CNTNAP2: variants seen among roughly 807,000 people sequenced by gnomAD.
CNTNAP2 encodes the protein contactin associated protein 2.
Under a neutral mutation model 155.2 loss-of-function variants are expected in CNTNAP2, and 98 were observed. The ratio of observed to expected loss-of-function variants is 0.63; its 90% CI spans 0.54 to 0.75. The LOEUF (loss-of-function observed/expected upper bound fraction) is 0.75. Ranked by LOEUF, CNTNAP2 falls within the 30% of genes least tolerant of loss-of-function variation. The pLI is 0.00. For missense variants in CNTNAP2, 1,727 were observed against 1,688.1 expected (o/e 1.02, Z -0.40); for synonymous variants, 651 against 631.2 (o/e 1.03, Z -0.47).
At chr7:146,541,701 A>T (rs1797955816) in intron 1 of CNTNAP2, among the ~76,000 whole-genome samples, 1 of 151,982 alleles carries the variant, frequency 6.6e-6, no homozygotes. Flanking sequence ...TCCAGGGAAG[A>T]TGCTGCTCTC....
rs184659120 is a variant in CNTNAP2, at chr7:147,839,034, C to G, written c.2099-64531C>G. On this transcript the variant is annotated intron_variant, in intron 13 of 23. Coordinates refer to ENST00000361727, the MANE Select transcript of CNTNAP2 (RefSeq NM_014141.6). ...AAGCTGAGGGGCAAGGAAGCAAGTC[C>G]AAGTCCCAAAGCTAAAGAACTTTGG... Among the ~76,000 whole-genome samples, 16 of 152,280 alleles carry G rather than the reference C, an allele frequency of 1.1e-4. No homozygotes were observed. In the East Asian group the frequency reaches 2.5e-3, roughly 24 times the overall value.
At chr7:146,171,246 A>T (rs1160159996) in intron 1 of CNTNAP2, among the ~76,000 whole-genome samples, 1 of 152,178 alleles carries the variant, frequency 6.6e-6, no homozygotes, top group Non-Finnish European at 1.5e-5. Flanking sequence ...AGAACTAAGT[A>T]GAAAAAAATA....
chr7:147,049,058 A>G (rs1372389291), intron 4 of CNTNAP2, among the ~76,000 whole-genome samples: 3 of 152,216 alleles, frequency 2.0e-5, no homozygotes, highest in Non-Finnish European at 2.9e-5. Flanking sequence ...TGGGGAGCTC[A>G]AGGTCAAGGG....
At chr7:146,398,989 A>G (rs1795674534) in intron 1 of CNTNAP2, among the ~76,000 whole-genome samples, 1 of 152,000 alleles carries the variant, frequency 6.6e-6, no homozygotes, top group Non-Finnish European at 1.5e-5. Flanking sequence ...TCTGTTAAAT[A>G]TAAATGTTTT....
intron 11 of CNTNAP2, chr7:147,496,659 T>A (rs1798714139): frequency 6.6e-6 from 1 of 152,232 alleles, no homozygotes; most frequent in Non-Finnish European, 1.5e-5. Context: ...CAAATTTATG[T>A]CTTCTGAAAT....
chr7:146,884,515 A>G (rs893187883), intron 3 of CNTNAP2, among the ~76,000 whole-genome samples: 18 of 152,124 alleles, frequency 1.2e-4, no homozygotes, highest in Admixed American at 6.6e-5. Context: ...TTTCCTACTC[A>G]GTATGTATTG....
At chr7:147,291,448 A>G (rs1298886840) in intron 8 of CNTNAP2, among the ~76,000 whole-genome samples, 5 of 152,160 alleles carry the variant, frequency 3.3e-5, no homozygotes, top group African/African-American at 1.2e-4. Flanking sequence ...ACAAAACACA[A>G]TATTTTAAAA....
intron 13 of CNTNAP2, among the ~76,000 whole-genome samples, chr7:147,834,625 C>T (rs911168442): frequency 2.6e-5 from 4 of 152,118 alleles, no homozygotes; most frequent in African/African-American, 9.7e-5. Flanking sequence ...CTTTGAGATC[C>T]TCATTAAACT....
chr7:146,950,055 C>A (rs1797277596), intron 3 of CNTNAP2, among the ~76,000 whole-genome samples: 1 of 152,096 alleles, frequency 6.6e-6, no homozygotes, highest in African/African-American at 2.4e-5. Flanking sequence ...GAAACAATAA[C>A]AACAGTGATT....
At chr7:147,417,480 A>C (rs1163858982) in intron 10 of CNTNAP2, among the ~76,000 whole-genome samples, 2 of 152,198 alleles carry the variant, frequency 1.3e-5, no homozygotes, top group African/African-American at 2.4e-5. Context: ...TAAAAGCCCC[A>C]TCTCCTAATA....
At chr7:146,423,757 T>C (rs889116152) in intron 1 of CNTNAP2, among the ~76,000 whole-genome samples, 1 of 152,244 alleles carries the variant, frequency 6.6e-6, no homozygotes, top group Admixed American at 6.5e-5. Flanking sequence ...CTTAAATTCA[T>C]AAAAACAGTT....
At chr7:148,374,717 C>G (rs10229418) in intron 21 of CNTNAP2, among the ~76,000 whole-genome samples, 2 of 152,178 alleles carry the variant, frequency 1.3e-5, no homozygotes, top group East Asian at 3.9e-4. Context: ...AGATAAAATG[C>G]AAAAGTGGAA....
chr7:146,512,393 G>A (rs79521363), intron 1 of CNTNAP2, among the ~76,000 whole-genome samples: 1,763 of 151,530 alleles, frequency 0.012, 30 homozygotes, highest in Middle Eastern at 0.065. Context: ...CTTATTTGAA[G>A]CTTTACCACT....
intron 3 of CNTNAP2, among the ~76,000 whole-genome samples, chr7:146,960,071 G>A (rs903200493): frequency 3.3e-5 from 5 of 152,030 alleles, no homozygotes; most frequent in African/African-American, 9.7e-5. Context: ...TTCTCTTCTC[G>A]CCAGTCTTGC....
intron 4 of CNTNAP2, among the ~76,000 whole-genome samples, chr7:147,071,325 C>CAAAAAAAA (rs57444105): frequency 2.1e-4 from 28 of 132,902 alleles, no homozygotes; most frequent in Middle Eastern, 3.8e-3. Flanking sequence ...GATTATCCTG[C>CAAAAAAAA]AAAAAAAAAA....
intron 15 of CNTNAP2, among the ~76,000 whole-genome samples, chr7:148,036,044 A>C (rs914230002): frequency 6.6e-6 from 1 of 152,136 alleles, no homozygotes. Flanking sequence ...TGCCTGTTTT[A>C]GTTCTAGGAT....
intron 18 of CNTNAP2, among the ~76,000 whole-genome samples, chr7:148,196,748 C>T (rs1313881678): frequency 6.6e-6 from 1 of 152,306 alleles, no homozygotes; most frequent in South Asian, 2.1e-4. Flanking sequence ...CACCTGTGCC[C>T]TTAACCACTG....
intron 3 of CNTNAP2, among the ~76,000 whole-genome samples, chr7:147,032,348 T>G (rs1332377430): frequency 6.6e-6 from 1 of 152,194 alleles, no homozygotes; most frequent in African/African-American, 2.4e-5. Context: ...TGGCACATAT[T>G]CCAGTCTCTT....
intron 10 of CNTNAP2, among the ~76,000 whole-genome samples, chr7:147,480,594 T>C (rs1230680037): frequency 6.6e-6 from 1 of 152,210 alleles, no homozygotes; most frequent in African/African-American, 2.4e-5. Context: ...CAAAGATTAT[T>C]ATATGTCACT....
Sources: allele counts gnomAD v4.1 joint callset (sites outside exome capture counted in the v4.1 genomes callset), GRCh38; gene constraint gnomAD v4.1.1; transcripts MANE v1.5; gene names NCBI Gene and HGNC (gene_info 2026-07-23, HGNC 2026-07-21).